The following ZBTB20 variants were observed in gnomAD, a reference collection of about 807,000 sequenced individuals.
The protein encoded by ZBTB20 is zinc finger and BTB domain-containing protein 20.
Under a neutral mutation model 56.9 loss-of-function variants are expected in ZBTB20, and 9 were observed. That is an observed-to-expected ratio of 0.16 (90% confidence interval 0.10 to 0.28). The LOEUF (loss-of-function observed/expected upper bound fraction) is 0.28. Among genes scored for constraint, ZBTB20 ranks in the 10% least tolerant of loss-of-function variants. ZBTB20 has a pLI of 1.00. For missense variants in ZBTB20, 655 were observed against 1,003.0 expected, an observed-to-expected ratio of 0.65 and a Z score of 4.69; for synonymous variants, 417 against 420.7, an observed-to-expected ratio of 0.99 and a Z score of 0.11.
intron 5 of ZBTB20, among the ~76,000 whole-genome samples, chr3:114,699,051 T>C (rs2063233122): frequency 1.3e-5 from 2 of 152,138 alleles, no homozygotes; most frequent in Non-Finnish European, 2.9e-5. Context: ...AAAATAATAC[T>C]GTAAGAGAAA....
At chr3:114,679,230 C>T (rs971157580) in intron 6 of ZBTB20, among the ~76,000 whole-genome samples, 12 of 152,156 alleles carry the variant, frequency 7.9e-5, no homozygotes, top group African/African-American at 2.9e-4. Flanking sequence ...TGGGCAAAGA[C>T]TTCATGACTA....
chr3:114,981,543 T>C (rs1463425951), intron 2 of ZBTB20, among the ~76,000 whole-genome samples: 1 of 152,080 alleles, frequency 6.6e-6, no homozygotes, highest in Non-Finnish European at 1.5e-5. Flanking sequence ...TTAATTTTCA[T>C]CTTTACTTCT....
chr3:114,714,928 C>G (rs778765181), intron 5 of ZBTB20, among the ~76,000 whole-genome samples: 14 of 152,308 alleles, frequency 9.2e-5, no homozygotes, highest in Non-Finnish European at 8.8e-5. Flanking sequence ...TTGTTTTGTT[C>G]TCACACCACT....
rs916372868 is a variant in ZBTB20, at chr3:114,319,895, T to C, written c.*19110A>G. On this transcript the variant is annotated 3_prime_UTR_variant, in exon 12 of 12. Coordinates refer to ENST00000675478, the MANE Select transcript of ZBTB20 (RefSeq NM_001348800.3). ...TACATAGCCAATTTGTTTTTAAATA[T>C]TTTTTCTCAAAAGGGAGCTCAAGCA... 26 of 152,096 alleles carry C rather than the reference T, an allele frequency of 1.7e-4. No homozygotes were observed. Among genetic ancestry groups the C allele is most frequent in the African/African-American group, 6.3e-4 (26 of 41,414 alleles). The allele number at this position is 152,096 out of a possible 1,614,324, so 9.4% of individuals were successfully genotyped here. A position where few individuals can be genotyped will look rare whatever the true frequency, so the allele number is the denominator to read the frequency against.
intron 6 of ZBTB20, among the ~76,000 whole-genome samples, chr3:114,682,295 C>G (rs1408762150): frequency 6.6e-6 from 1 of 152,184 alleles, no homozygotes; most frequent in Admixed American, 6.5e-5. Context: ...CAAATTACTT[C>G]TAGACGATTG....
intron 6 of ZBTB20, among the ~76,000 whole-genome samples, chr3:114,571,290 T>A (rs1316352279): frequency 6.6e-6 from 1 of 152,196 alleles, no homozygotes; most frequent in Non-Finnish European, 1.5e-5. Context: ...GTTCTATAGA[T>A]AGCAATTCTA....
In ZBTB20 at chr3:114,561,031, T is replaced by A. The variant is rs148122176; in HGVS notation, c.-294-60640A>T. The stretch of plus-strand genomic sequence containing the variant: ...CACAGAATCTTTACCAGGAGTAGAT[T>A]CCATCTCAAGAAACTCACTGCTTTG... On this transcript the variant is annotated intron_variant, in intron 6 of 11. Transcript: ENST00000675478. Among the ~76,000 whole-genome samples, 542 of 152,328 alleles carry A rather than the reference T, an allele frequency of 3.6e-3. 1 individual carries two copies. Among genetic ancestry groups the A allele is most frequent in the African/African-American group, 0.013 (520 of 41,568 alleles).
chr3:114,515,382 G>A (rs2045866882), intron 6 of ZBTB20, among the ~76,000 whole-genome samples: 1 of 152,114 alleles, frequency 6.6e-6, no homozygotes, highest in Middle Eastern at 3.2e-3. Context: ...CTGGAGCTCA[G>A]ATGAACCCAC....
intron 7 of ZBTB20, among the ~76,000 whole-genome samples, chr3:114,459,934 G>A (rs1182651281): frequency 6.6e-6 from 1 of 151,994 alleles, no homozygotes; most frequent in African/African-American, 2.4e-5. Flanking sequence ...GTTTTTAAAT[G>A]CCATTTAGGA....
In ZBTB20 at chr3:115,146,964, A is replaced by T. The variant is rs1484065552; in HGVS notation, c.-703+255T>A. Among the ~76,000 whole-genome samples the T allele has an allele frequency of 4.7e-5, 7 of 149,964 alleles. No homozygotes were observed. In the East Asian group the frequency reaches 1.2e-3, roughly 26 times the overall value. On this transcript the variant is annotated intron_variant, in intron 1 of 11. Coordinates refer to ENST00000675478, the MANE Select transcript of ZBTB20 (RefSeq NM_001348800.3). Reference sequence around the variant, plus strand: ...TCGGGCGAGGCAGCCGCCGGGCGCTAAGAAGGGCGCCGGGGGAGGGGGCGC... The same window carrying T: ...TCGGGCGAGGCAGCCGCCGGGCGCTTAGAAGGGCGCCGGGGGAGGGGGCGC...
At chr3:114,448,302 A>G (rs2091395187) in intron 7 of ZBTB20, among the ~76,000 whole-genome samples, 1 of 152,158 alleles carries the variant, frequency 6.6e-6, no homozygotes, top group African/African-American at 2.4e-5. Flanking sequence ...GTATAAAAAC[A>G]GCTGATCTTA....
chr3:114,873,530 G>A (rs924719340), intron 4 of ZBTB20, among the ~76,000 whole-genome samples: 2 of 152,130 alleles, frequency 1.3e-5, no homozygotes, highest in African/African-American at 4.8e-5. Flanking sequence ...GGAATTAAGA[G>A]TTTAGTACAC....
At chr3:115,009,003 GTGTA>G (rs1168017935) in intron 2 of ZBTB20, among the ~76,000 whole-genome samples, 1 of 151,800 alleles carries the variant, frequency 6.6e-6, no homozygotes, top group Non-Finnish European at 1.5e-5. Context: ...CTTAGTATGT[GTGTA>G]TGTAAGATTG....
intron 6 of ZBTB20, among the ~76,000 whole-genome samples, chr3:114,538,269 A>G (rs191818782): frequency 6.6e-6 from 1 of 152,022 alleles, no homozygotes; most frequent in East Asian, 1.9e-4. Context: ...TTGAAATGAG[A>G]CTCCCTTTTC....
chr3:114,673,338 T>C (rs1016387043), intron 6 of ZBTB20, among the ~76,000 whole-genome samples: 4 of 152,262 alleles, frequency 2.6e-5, no homozygotes, highest in African/African-American at 9.6e-5. Context: ...CACAGGGTGA[T>C]ATAAGGATTA....
At chr3:115,070,562 G>A (rs1408029897) in intron 2 of ZBTB20, among the ~76,000 whole-genome samples, 1 of 151,990 alleles carries the variant, frequency 6.6e-6, no homozygotes, top group Middle Eastern at 3.2e-3. Context: ...TATTTAATAG[G>A]TATATTAGCT....
chr3:114,893,862 A>G (rs1053030377), intron 4 of ZBTB20, among the ~76,000 whole-genome samples: 2 of 152,216 alleles, frequency 1.3e-5, no homozygotes, highest in African/African-American at 4.8e-5. Context: ...CTATGTTCAG[A>G]TTCCATCCTG....
chr3:114,635,363 T>C (rs2059203063), intron 6 of ZBTB20, among the ~76,000 whole-genome samples: 1 of 152,054 alleles, frequency 6.6e-6, no homozygotes. Flanking sequence ...CTGTAGAGAC[T>C]GGGAAAGGTA....
chr3:114,835,742 CCTTT>C (rs2074090128), intron 4 of ZBTB20, among the ~76,000 whole-genome samples: 1 of 152,110 alleles, frequency 6.6e-6, no homozygotes, highest in Non-Finnish European at 1.5e-5. Flanking sequence ...TACCTAAAGA[CCTTT>C]TTGCTAATTC....
Sources: gnomAD v4.1 joint callset for allele counts (sites outside exome capture counted in the v4.1 genomes callset) on GRCh38, gnomAD v4.1.1 for gene constraint, MANE v1.5 for transcripts, NCBI Gene and HGNC (gene_info 2026-07-23, HGNC 2026-07-21) for gene names.